The following COL19A1 variants were observed in gnomAD, a reference collection of about 807,000 sequenced individuals.
COL19A1 encodes the protein collagen alpha-1(XIX) chain.
A neutral mutation model predicts 190.2 loss-of-function variants in COL19A1; 159 were observed. That is an observed-to-expected ratio of 0.84 (90% CI 0.73 to 0.95). The LOEUF (loss-of-function observed/expected upper bound fraction) is 0.95, where lower values mean the gene tolerates loss of function less well. COL19A1 is among the 40% of genes least tolerant of loss of function. The pLI is 0.00. For synonymous variants in COL19A1, 509 were observed against 458.9 expected (o/e 1.11, Z -1.39); for missense variants, 1,418 against 1,431.9 (o/e 0.99, Z 0.16).
At chr6:69,888,811 TTTC>T (rs1183701717) in intron 2 of COL19A1, among the ~76,000 whole-genome samples, 1 of 152,122 alleles carries the variant, frequency 6.6e-6, no homozygotes, top group Non-Finnish European at 1.5e-5. Flanking sequence ...GTTCCCATTT[TTTC>T]TTGTTTATTC....
intron 39 of COL19A1, among the ~76,000 whole-genome samples, 190 bp downstream of exon 39, chr6:70,168,405 C>T (rs1002654784): frequency 1.2e-4 from 18 of 152,080 alleles, no homozygotes; most frequent in Admixed American, 9.2e-4. Context: ...TAATGGAAAA[C>T]AGCATTTTTC....
intron 9 of COL19A1, among the ~76,000 whole-genome samples, chr6:69,949,156 T>G (rs1199348883): frequency 6.6e-6 from 1 of 151,828 alleles, no homozygotes; most frequent in Admixed American, 6.6e-5. Flanking sequence ...TCATGTAACT[T>G]CCAGTGGTGC....
intron 2 of COL19A1, among the ~76,000 whole-genome samples, chr6:69,896,783 T>G (rs1415640331): frequency 6.6e-6 from 1 of 152,218 alleles, no homozygotes; most frequent in Admixed American, 6.5e-5. Context: ...CATTTGGATA[T>G]TCTCTTTTTT....
intron 4 of COL19A1, among the ~76,000 whole-genome samples, chr6:69,902,864 G>A (rs542207948): frequency 6.6e-6 from 1 of 152,290 alleles, no homozygotes; most frequent in East Asian, 1.9e-4. Context: ...TACGGTGAGG[G>A]GCTTGGAGGG....
intron 4 of COL19A1, among the ~76,000 whole-genome samples, chr6:69,921,844 G>A (rs923179632): frequency 1.7e-4 from 25 of 151,298 alleles, no homozygotes; most frequent in Admixed American, 4.0e-4. Context: ...ATGTAGATTC[G>A]TATATATATT....
At chr6:70,008,374 C>A in intron 11 of COL19A1, among the ~76,000 whole-genome samples, 1 of 151,692 alleles carries the variant, frequency 6.6e-6, no homozygotes, top group Middle Eastern at 3.2e-3. Flanking sequence ...ACAGACCCTA[C>A]AGAAACTGAA....
intron 14 of COL19A1, among the ~76,000 whole-genome samples, chr6:70,061,871 T>A (rs1203670488): frequency 6.6e-6 from 1 of 152,148 alleles, no homozygotes; most frequent in Non-Finnish European, 1.5e-5. Flanking sequence ...TCCCTGCAAT[T>A]ATATTGTAAT....
intron 4 of COL19A1, among the ~76,000 whole-genome samples, chr6:69,914,214 C>T (rs1771144331): frequency 6.6e-6 from 1 of 152,094 alleles, no homozygotes; most frequent in Admixed American, 6.6e-5. Context: ...GCCTGAATCC[C>T]CTCAGCAAAC....
chr6:70,195,162 T>A (rs1362967244), intron 48 of COL19A1, among the ~76,000 whole-genome samples: 1 of 145,744 alleles, frequency 6.9e-6, no homozygotes, highest in African/African-American at 2.6e-5. Context: ...TATATATATA[T>A]AAAGAGTTAA....
Position 70,112,330 on chromosome 6 carries a change from T to C in COL19A1, c.1279-9550T>C, listed in dbSNP as rs376054036. Among the ~76,000 whole-genome samples the C allele has an allele frequency of 7.2e-5, 11 of 152,284 alleles. No individual in the cohort carries two copies. In the East Asian group the frequency reaches 1.2e-3, roughly 16 times the overall value. On this transcript the variant is annotated intron_variant, in intron 16 of 50. Coordinates refer to ENST00000620364, the MANE Select transcript of COL19A1 (RefSeq NM_001858.6). ...GCTTTTATCACCTTGTACTGGGTCA[T>C]TGATGTTGCATCTGTGGGTGGCAAG...
At chr6:69,883,398 G>T (rs567508623) in intron 2 of COL19A1, among the ~76,000 whole-genome samples, 22 of 152,278 alleles carry the variant, frequency 1.4e-4, no homozygotes, top group African/African-American at 5.3e-4. Context: ...ACCCTTCCCG[G>T]ATATCAGGTG....
chr6:70,190,260 C>A lies in COL19A1; in HGVS notation c.3028-55C>A, dbSNP rs950009557. On this transcript the variant is annotated intron_variant, in intron 47 of 50. Coordinates refer to ENST00000620364, the MANE Select transcript of COL19A1 (RefSeq NM_001858.6). ...GGCAAGCCAACCCAATATTTCTATTCTTTATTCATTTGTGCTATGCTCTAT... is the reference window on the plus strand; with the variant it reads ...GGCAAGCCAACCCAATATTTCTATTATTTATTCATTTGTGCTATGCTCTAT... The A allele has an allele frequency of 7.5e-6, 10 of 1,327,232 alleles. No homozygotes were observed. In the South Asian group the frequency reaches 8.9e-5, roughly 12 times the overall value. 82.2% of individuals were successfully genotyped at this position (1,327,232 alleles called of 1,614,324 possible).
intron 1 of COL19A1, among the ~76,000 whole-genome samples, chr6:69,870,251 A>T (rs181899124): frequency 2.0e-5 from 3 of 152,360 alleles, no homozygotes; most frequent in East Asian, 3.9e-4. Flanking sequence ...AGACACAGAT[A>T]AATAAAATAC....
chr6:69,877,727 A>G (rs980494527), intron 1 of COL19A1, among the ~76,000 whole-genome samples: 7 of 152,192 alleles, frequency 4.6e-5, no homozygotes, highest in African/African-American at 1.7e-4. Context: ...GATTAAAAAA[A>G]TGGGCAAAGG....
chr6:70,001,118 A>G (rs1777236776), intron 11 of COL19A1, among the ~76,000 whole-genome samples: 1 of 152,188 alleles, frequency 6.6e-6, no homozygotes, highest in Non-Finnish European at 1.5e-5. Flanking sequence ...TCATTTATTG[A>G]ATAGGAGATT....
Position 70,059,146 on chromosome 6 carries a change from G to T in COL19A1, c.1171-9277G>T, listed in dbSNP as rs1490012557. Among the ~76,000 whole-genome samples the T allele has an allele frequency of 2.0e-5, 3 of 152,196 alleles. No homozygotes were observed. In the East Asian group the frequency reaches 5.8e-4, roughly 29 times the overall value. ...TTATGCAGATTCTAGTTAATCTTATGTTTCAAGTCTATGAAGCATATTCTA... is the reference window on the plus strand; with the variant it reads ...TTATGCAGATTCTAGTTAATCTTATTTTTCAAGTCTATGAAGCATATTCTA... On this transcript the variant is annotated intron_variant, in intron 14 of 50. Coordinates refer to ENST00000620364, the MANE Select transcript of COL19A1 (RefSeq NM_001858.6).
At chr6:70,162,740 A>C (rs1444233767) in intron 35 of COL19A1, among the ~76,000 whole-genome samples, 1 of 152,172 alleles carries the variant, frequency 6.6e-6, no homozygotes, top group African/African-American at 2.4e-5. Context: ...ATATATTTTA[A>C]TGTTCTGAAA....
chr6:70,039,755 G>A (rs1403315127), intron 14 of COL19A1, among the ~76,000 whole-genome samples: 1 of 147,780 alleles, frequency 6.8e-6, no homozygotes, highest in Admixed American at 6.7e-5. Context: ...TTTTGGGGAA[G>A]TATTGTTTTT....
At chr6:69,975,961 C>T (rs1033067464) in intron 11 of COL19A1, among the ~76,000 whole-genome samples, 2 of 152,190 alleles carry the variant, frequency 1.3e-5, no homozygotes, top group African/African-American at 4.8e-5. Context: ...ATAAACCAAA[C>T]TCATAACACA....
Sources: allele counts gnomAD v4.1 joint callset (sites outside exome capture counted in the v4.1 genomes callset), GRCh38; gene constraint gnomAD v4.1.1; transcripts MANE v1.5; gene names NCBI Gene and HGNC (gene_info 2026-07-23, HGNC 2026-07-21).